Variants in MIR2052HG observed in about 807,000 individuals in gnomAD.
The protein encoded by MIR2052HG is MIR2052 host gene.
intron 2 of MIR2052HG, among the ~76,000 whole-genome samples, chr8:74,665,756 AT>A (rs1453647717): frequency 2.6e-5 from 4 of 152,014 alleles, no homozygotes; most frequent in Non-Finnish European, 5.9e-5. Context: ...CTCAAATCTC[AT>A]TTTGAATTGT....
rs565895492 is a variant in MIR2052HG at position 74,732,265 on chromosome 8, G to C, written n.372-20176G>C. On this transcript the variant is annotated intron_variant and non_coding_transcript_variant, in intron 4 of 6. Coordinates refer to ENST00000523442, the Ensembl canonical transcript of MIR2052HG. ...TAGAGATGATTCAAAGTATACAAGA[G>C]GATGTGTGTAGGTTATAAGCAAATA... Among the ~76,000 whole-genome samples, 3 of 152,202 alleles carry C rather than the reference G, an allele frequency of 2.0e-5. No homozygotes were observed. In the East Asian group the frequency reaches 5.8e-4, roughly 29 times the overall value.
At chr8:74,666,700 G>A (rs1808927712) in intron 2 of MIR2052HG, among the ~76,000 whole-genome samples, 2 of 152,158 alleles carry the variant, frequency 1.3e-5, no homozygotes, top group South Asian at 2.1e-4. Context: ...CCAAAAGATG[G>A]TGTCGAATTA....
chr8:74,706,807 C>T (rs574758641), intron 4 of MIR2052HG, among the ~76,000 whole-genome samples: 2 of 151,994 alleles, frequency 1.3e-5, no homozygotes, highest in African/African-American at 4.8e-5. Context: ...GACTGGACAG[C>T]TCTCAGAAAA....
chr8:74,619,059 A>G (rs1020899137), intron 2 of MIR2052HG, among the ~76,000 whole-genome samples: 6 of 152,170 alleles, frequency 3.9e-5, no homozygotes, highest in Non-Finnish European at 8.8e-5. Flanking sequence ...TTAGGAATAA[A>G]TTTTTTTAAA....
intron 5 of MIR2052HG, among the ~76,000 whole-genome samples, chr8:74,756,283 G>C (rs1809999572): frequency 6.6e-6 from 1 of 152,154 alleles, no homozygotes; most frequent in Non-Finnish European, 1.5e-5. Flanking sequence ...GTGGCTGAAA[G>C]CCCCAAACTT....
chr8:74,687,661 C>G (rs1343114950), intron 2 of MIR2052HG, among the ~76,000 whole-genome samples: 1 of 151,922 alleles, frequency 6.6e-6, no homozygotes, highest in African/African-American at 2.4e-5. Flanking sequence ...GAATACAATG[C>G]AGTTGCCAGG....
At chr8:74,629,344 A>C (rs1025985663) in intron 2 of MIR2052HG, among the ~76,000 whole-genome samples, 13 of 152,208 alleles carry the variant, frequency 8.5e-5, no homozygotes, top group African/African-American at 3.1e-4. Context: ...TTTTGACATT[A>C]GAACTTTCAA....
intron 2 of MIR2052HG, among the ~76,000 whole-genome samples, chr8:74,669,167 C>T (rs866082383): frequency 6.6e-5 from 10 of 152,250 alleles, no homozygotes; most frequent in Middle Eastern, 3.4e-3. Context: ...TTGATTTTTA[C>T]GCCAAAATCT....
chr8:74,609,223 A>T (rs760495419), intron 1 of MIR2052HG, among the ~76,000 whole-genome samples: 6 of 152,000 alleles, frequency 3.9e-5, no homozygotes, highest in Admixed American at 6.6e-5. Flanking sequence ...ACCGTGAAAG[A>T]TAAAAATTAA....
At chr8:74,617,360 G>A (rs568459324) in intron 2 of MIR2052HG, among the ~76,000 whole-genome samples, 13 of 152,020 alleles carry the variant, frequency 8.6e-5, no homozygotes, top group Non-Finnish European at 1.8e-4. Context: ...TTCTGTTCCT[G>A]AGTTATTTTA....
intron 5 of MIR2052HG, among the ~76,000 whole-genome samples, chr8:74,755,727 A>G (rs1286651743): frequency 6.6e-6 from 1 of 152,172 alleles, no homozygotes; most frequent in Non-Finnish European, 1.5e-5. Flanking sequence ...CCTTATGGAC[A>G]TGATTATGTT....
intron 2 of MIR2052HG, among the ~76,000 whole-genome samples, chr8:74,666,571 G>C (rs1201424607): frequency 6.6e-6 from 1 of 152,180 alleles, no homozygotes; most frequent in African/African-American, 2.4e-5. Flanking sequence ...AAAGTGCCTA[G>C]CACATGATGA....
intron 2 of MIR2052HG, among the ~76,000 whole-genome samples, chr8:74,657,660 T>G (rs991193160): frequency 4.6e-5 from 7 of 152,196 alleles, no homozygotes; most frequent in Non-Finnish European, 8.8e-5. Flanking sequence ...GAAAGGCATG[T>G]CTCACATGGC....
At chr8:74,706,817 A>T (rs542102625) in intron 4 of MIR2052HG, among the ~76,000 whole-genome samples, 186 of 152,022 alleles carry the variant, frequency 1.2e-3, no homozygotes, top group Middle Eastern at 6.8e-3. Context: ...CTCTCAGAAA[A>T]TTTTTTTTCA....
chr8:74,636,707 C>T (rs968210688), intron 2 of MIR2052HG, among the ~76,000 whole-genome samples: 2 of 152,114 alleles, frequency 1.3e-5, no homozygotes, highest in Middle Eastern at 3.2e-3. Context: ...TCCCAGACCA[C>T]ATTGGCACAC....
At chr8:74,733,086 A>ATTTC (rs1809710529) in intron 4 of MIR2052HG, among the ~76,000 whole-genome samples, 1 of 147,572 alleles carries the variant, frequency 6.8e-6, no homozygotes, top group African/African-American at 2.6e-5. Flanking sequence ...TTATTTATTT[A>ATTTC]TTTTATTATT....
chr8:74,602,850 TTTC>T (rs1490509208), intron 1 of MIR2052HG, among the ~76,000 whole-genome samples: 3 of 143,356 alleles, frequency 2.1e-5, no homozygotes, highest in African/African-American at 5.3e-5. Context: ...TCTTTCTTTC[TTTC>T]TTTCTTTCTT....
intron 2 of MIR2052HG, among the ~76,000 whole-genome samples, chr8:74,639,388 C>G (rs906389705): frequency 3.3e-5 from 5 of 152,192 alleles, no homozygotes; most frequent in African/African-American, 1.2e-4. Flanking sequence ...TAACAGGCTA[C>G]CTTTCCTTTC....
chr8:74,751,411 T>C (rs1341327143), intron 4 of MIR2052HG, among the ~76,000 whole-genome samples: 31 of 152,208 alleles, frequency 2.0e-4, no homozygotes, highest in Non-Finnish European at 1.3e-4. Context: ...TTTTCAGGCA[T>C]GACTTACAGT....
Sources: gnomAD v4.1 joint callset for allele counts (sites outside exome capture counted in the v4.1 genomes callset) on GRCh38, gnomAD v4.1.1 for gene constraint, MANE v1.5 for transcripts, NCBI Gene and HGNC (gene_info 2026-07-23, HGNC 2026-07-21) for gene names.